MSI2: variants seen among roughly 807,000 people sequenced by gnomAD.
The protein encoded by MSI2 is RNA-binding protein Musashi homolog 2.
In MSI2, 17 loss-of-function variants were observed where a neutral mutation model predicts 45.6. The observed-to-expected ratio is 0.37, with a 90% CI of 0.26 to 0.56. The LOEUF (loss-of-function observed/expected upper bound fraction) is 0.56, where lower values mean the gene tolerates loss of function less well. Ranked by LOEUF, MSI2 falls within the 20% of genes least tolerant of loss-of-function variation. The pLI, the probability that MSI2 is intolerant of heterozygous loss-of-function variation, is 0.77. For synonymous variants in MSI2, 156 were observed against 158.2 expected, an observed-to-expected ratio of 0.99 and a Z score of 0.11; for missense variants, 293 against 444.2, an observed-to-expected ratio of 0.66 and a Z score of 3.06.
intron 5 of MSI2, among the ~76,000 whole-genome samples, chr17:57,346,559 CTT>C (rs1252637688): frequency 6.6e-6 from 1 of 151,158 alleles, no homozygotes; most frequent in Admixed American, 6.6e-5. Flanking sequence ...AATAAATAAT[CTT>C]TCTTTTTTTG....
intron 5 of MSI2, chr17:57,267,626 G>T (rs1322304936): frequency 6.6e-6 from 1 of 151,400 alleles, no homozygotes; most frequent in African/African-American, 2.4e-5. Context: ...GAACACACAG[G>T]GGAGATGTAG....
chr17:57,339,496 C>T (rs1914951461), intron 5 of MSI2, among the ~76,000 whole-genome samples: 1 of 152,124 alleles, frequency 6.6e-6, no homozygotes, highest in South Asian at 2.1e-4. Flanking sequence ...CTCCCTCCCT[C>T]GGGCCCCCTC....
At chr17:57,479,480 G>A (rs530349141) in intron 6 of MSI2, among the ~76,000 whole-genome samples, 1 of 151,990 alleles carries the variant, frequency 6.6e-6, no homozygotes, top group Non-Finnish European at 1.5e-5. Context: ...CCCTGCTGTG[G>A]GTAAAACATC....
At chr17:57,422,257 C>T (rs994339229) in intron 6 of MSI2, among the ~76,000 whole-genome samples, 18 of 152,148 alleles carry the variant, frequency 1.2e-4, no homozygotes, top group South Asian at 4.2e-4. Flanking sequence ...ATCACGAATT[C>T]GAGACCAGCC....
intron 4 of MSI2, among the ~76,000 whole-genome samples, chr17:57,261,832 C>T (rs1298372924): frequency 6.6e-6 from 1 of 152,140 alleles, no homozygotes; most frequent in Non-Finnish European, 1.5e-5. Flanking sequence ...GATGTAGATA[C>T]CATTTAATAT....
chr17:57,355,532 G>A (rs148074039), intron 5 of MSI2, among the ~76,000 whole-genome samples: 231 of 152,288 alleles, frequency 1.5e-3, no homozygotes, highest in African/African-American at 5.0e-3. Context: ...TTAGGGATGC[G>A]TGCCAAAACT....
intron 6 of MSI2, among the ~76,000 whole-genome samples, chr17:57,443,440 G>A (rs1403711400): frequency 1.3e-5 from 2 of 152,172 alleles, no homozygotes; most frequent in Admixed American, 1.3e-4. Context: ...TGCCCAATCT[G>A]TACCCCAACC....
At chr17:57,301,795 C>A (rs1473189010) in intron 5 of MSI2, among the ~76,000 whole-genome samples, 1 of 151,146 alleles carries the variant, frequency 6.6e-6, no homozygotes, top group Non-Finnish European at 1.5e-5. Flanking sequence ...TTTTTTTCAC[C>A]GTGAATATTC....
intron 6 of MSI2, among the ~76,000 whole-genome samples, chr17:57,460,270 G>T (rs369312986): frequency 1.4e-4 from 22 of 152,268 alleles, no homozygotes; most frequent in African/African-American, 5.1e-4. Flanking sequence ...GCTGCAGTGA[G>T]CTGTGGTTGC....
chr17:57,447,401 G>C (rs896795897), intron 6 of MSI2, among the ~76,000 whole-genome samples: 2 of 152,238 alleles, frequency 1.3e-5, no homozygotes, highest in East Asian at 1.9e-4. Context: ...ACTGTGCCCA[G>C]CTTAAGTTTT....
rs574807306 is a variant in MSI2 at position 57,541,598 on chromosome 17, A to AT, written c.454+11879dup. The stretch of plus-strand genomic sequence containing the variant: ...ATTTGCCAATTCAATCCTGGAGTGA[A>AT]TTTTTAAGCTAAATTAATGCAGTTG... On this transcript the variant is annotated intron_variant, in intron 7 of 13. Transcript: ENST00000284073. 3.3e-5 allele frequency among the ~76,000 whole-genome samples: 5 copies of AT among 152,272 alleles called. No homozygotes were observed. In the East Asian group the frequency reaches 9.6e-4, roughly 29 times the overall value.
At chr17:57,677,116 C>T in intron 13 of MSI2, 57 bp downstream of exon 13, 2 of 1,203,988 alleles carry the variant, frequency 1.7e-6, no homozygotes, top group African/African-American at 1.5e-5. Flanking sequence ...ACATGTATGT[C>T]CACAGGTCAT....
intron 10 of MSI2, chr17:57,630,794 C>G (rs2144619771): frequency 6.6e-6 from 1 of 152,440 alleles, no homozygotes; most frequent in South Asian, 2.1e-4. Flanking sequence ...ACTCCTGGAG[C>G]CACAGCCTCA....
rs530977217 is a variant in MSI2, at chr17:57,257,174, C to G, written c.103+36C>G. 174 of 1,407,670 alleles carry G rather than the reference C, an allele frequency of 1.2e-4. 1 individual carries two copies. Among genetic ancestry groups the G allele is most frequent in the Non-Finnish European group, 1.8e-5 (19 of 1,038,892 alleles). The allele number at this position is 1,407,670 out of a possible 1,614,324, so 87.2% of individuals were successfully genotyped here. ...GAGGGGGGGACGCCTGGGTCCCCCCCTTCTTGGCTTCTTTATTGCTCTTTG... is the reference window on the plus strand; with the variant it reads ...GAGGGGGGGACGCCTGGGTCCCCCCGTTCTTGGCTTCTTTATTGCTCTTTG... On this transcript the variant is annotated intron_variant, in intron 2 of 13. Coordinates refer to ENST00000284073, the MANE Select transcript of MSI2 (RefSeq NM_138962.4).
intron 8 of MSI2, among the ~76,000 whole-genome samples, chr17:57,599,897 A>G (rs1252590360): frequency 6.6e-6 from 1 of 152,218 alleles, no homozygotes; most frequent in Non-Finnish European, 1.5e-5. Context: ...TACTTAGCAC[A>G]GTGTCTGCAC....
At chr17:57,509,010 G>A (rs527494447) in intron 6 of MSI2, among the ~76,000 whole-genome samples, 2 of 152,274 alleles carry the variant, frequency 1.3e-5, no homozygotes, top group Admixed American at 6.5e-5. Flanking sequence ...GATCAGCATC[G>A]AGTCATTGCA....
At chr17:57,648,724 A>C (rs1235946444) in intron 10 of MSI2, among the ~76,000 whole-genome samples, 1 of 152,064 alleles carries the variant, frequency 6.6e-6, no homozygotes, top group Non-Finnish European at 1.5e-5. Context: ...CCCTATGAAG[A>C]AGCCTTGAGC....
At chr17:57,403,893 C>T (rs570300252) in intron 6 of MSI2, among the ~76,000 whole-genome samples, 60 of 151,916 alleles carry the variant, frequency 3.9e-4, no homozygotes, top group Non-Finnish European at 5.4e-4. Context: ...CTCTCCCCTT[C>T]GGTACTTTAT....
Position 57,401,476 on chromosome 17 carries a change from G to A in MSI2, c.405+5G>A. On this transcript the variant is annotated splice_donor_5th_base_variant and intron_variant, in intron 6 of 13. Transcript: ENST00000284073. ...TATTTCGAGCAGTTTGGCAAGGTAAGCGCTGGATGGGGTTGGATGGCACAT... is the reference window on the plus strand; with the variant it reads ...TATTTCGAGCAGTTTGGCAAGGTAAACGCTGGATGGGGTTGGATGGCACAT... The A allele has an allele frequency of 6.2e-7, 1 of 1,613,148 alleles. No homozygotes were observed. The highest frequency in any genetic ancestry group is 8.5e-7 in the Non-Finnish European group (1 of 1,179,056).
Sources: gnomAD v4.1 joint callset for allele counts (sites outside exome capture counted in the v4.1 genomes callset) on GRCh38, gnomAD v4.1.1 for gene constraint, MANE v1.5 for transcripts, NCBI Gene and HGNC (gene_info 2026-07-23, HGNC 2026-07-21) for gene names.